PCCB: variants seen among roughly 807,000 people sequenced by gnomAD.
PCCB encodes propionyl-CoA carboxylase beta chain, mitochondrial.
Under a neutral mutation model 60.7 loss-of-function variants are expected in PCCB, and 43 were observed. That is an observed-to-expected ratio of 0.71 (90% CI 0.55 to 0.91). The LOEUF (loss-of-function observed/expected upper bound fraction) is 0.91. Ranked by LOEUF, PCCB falls within the 40% of genes least tolerant of loss-of-function variation. The pLI is 0.00. For synonymous variants in PCCB, 276 were observed against 255.9 expected (o/e 1.08, Z -0.75); for missense variants, 766 against 702.8 (o/e 1.09, Z -1.02).
chr3:136,250,384 G>A lies in PCCB; in HGVS notation c.9G>A (p.Ala3=), dbSNP rs763025114. The part of the protein sequence containing the change: MA[A]ALRVAAVGAR... Reference sequence around the variant, plus strand: ...GCGCCGGCACAGCAAAAATGGCGGCGGCATTACGGGTGGCGGCGGTCGGGG... The same window carrying A: ...GCGCCGGCACAGCAAAAATGGCGGCAGCATTACGGGTGGCGGCGGTCGGGG... Residue 3 remains alanine (A), a synonymous_variant, in exon 1 of 15, where the codon GCG becomes GCA. Transcript: ENST00000251654. 2 of 1,529,834 alleles carry A rather than the reference G, an allele frequency of 1.3e-6. No homozygotes were observed. Among genetic ancestry groups the A allele is most frequent in the African/African-American group, 1.4e-5 (1 of 72,748 alleles). 94.8% of individuals were successfully genotyped at this position (1,529,834 alleles called of 1,614,324 possible).
chr3:136,253,088 T>TTG (rs1941564167), intron 1 of PCCB, among the ~76,000 whole-genome samples: 1 of 92,806 alleles, frequency 1.1e-5, no homozygotes, highest in Non-Finnish European at 2.7e-5. Flanking sequence ...GGAGGTTTTT[T>TTG]TTTTTTTTTT....
At chr3:136,328,879 G>A in intron 14 of PCCB, 22 bp downstream of exon 14, 1 of 1,560,588 alleles carries the variant, frequency 6.4e-7, no homozygotes, top group Non-Finnish European at 8.8e-7. Flanking sequence ...TGGTGAAGAG[G>A]GCAGCTTTGT....
intron 5 of PCCB, among the ~76,000 whole-genome samples, chr3:136,273,992 C>T (rs1331613461): frequency 6.6e-6 from 1 of 151,530 alleles, no homozygotes; most frequent in African/African-American, 2.4e-5. Context: ...TCTCTTTCCC[C>T]CCCTTTACCT....
intron 1 of PCCB, 127 bp from the exon 2 acceptor site, chr3:136,255,729 A>G (rs1941654604): frequency 1.2e-6 from 1 of 822,534 alleles, no homozygotes. Context: ...CAGGTTGGAT[A>G]GAATGAAAGT....
intron 6 of PCCB, among the ~76,000 whole-genome samples, chr3:136,287,369 C>G (rs758816514): frequency 2.0e-5 from 3 of 150,844 alleles, no homozygotes; most frequent in Non-Finnish European, 4.4e-5. Flanking sequence ...AAATGTAGTT[C>G]ATTCACTTTA....
intron 6 of PCCB, among the ~76,000 whole-genome samples, chr3:136,292,329 T>C (rs1576333696): frequency 6.6e-6 from 1 of 152,102 alleles, no homozygotes; most frequent in South Asian, 2.1e-4. Context: ...AGCTAGACCT[T>C]TCTAGCAAGA....
At chr3:136,300,250 G>C (rs963873128) in intron 8 of PCCB, among the ~76,000 whole-genome samples, 1 of 152,144 alleles carries the variant, frequency 6.6e-6, no homozygotes, top group African/African-American at 2.4e-5. Flanking sequence ...TCTTTCCAGC[G>C]TAGAGCTTTT....
intron 7 of PCCB, 95 bp from the exon 8 acceptor site, chr3:136,297,857 C>G: frequency 1.4e-6 from 2 of 1,396,700 alleles, no homozygotes; most frequent in South Asian, 2.3e-5. Flanking sequence ...CGGTCTGCTA[C>G]TGACATGCCC....
At chr3:136,257,067 C>T (rs541244336) in intron 3 of PCCB, among the ~76,000 whole-genome samples, 1 of 152,114 alleles carries the variant, frequency 6.6e-6, no homozygotes, top group African/African-American at 2.4e-5. Context: ...CAGGGTGCAT[C>T]AAGACAGATA....
chr3:136,319,716 A>G (rs1376682741), intron 10 of PCCB, among the ~76,000 whole-genome samples: 1 of 152,168 alleles, frequency 6.6e-6, no homozygotes, highest in Non-Finnish European at 1.5e-5. Flanking sequence ...TTTAGTTTTG[A>G]TTAAATCTGA....
Position 136,327,646 on chromosome 3 carries a change from G to A in PCCB, c.1312G>A (p.Ala438Thr). ...GGATCTGTTTTAGGCCTATGGAGGTGCCTATGATGTCATGAGCTCTAAGCA... is the reference window on the plus strand; with the variant it reads ...GGATCTGTTTTAGGCCTATGGAGGTACCTATGATGTCATGAGCTCTAAGCA... Reference protein sequence around the residue: ...TVITRKAYGGAYDVMSSKHLC... With the variant: ...TVITRKAYGGTYDVMSSKHLC... The change falls in exon 13 of 15, where the codon GCC (alanine) becomes ACC (threonine). Residue 438 changes from alanine (A) to threonine (T), a missense_variant. By Grantham distance (58) the Ala-to-Thr change is moderately conservative (BLOSUM62 0). Transcript: ENST00000251654. The A allele has an allele frequency of 3.7e-6, 6 of 1,613,402 alleles. No individual in the cohort carries two copies. Among genetic ancestry groups the A allele is most frequent in the East Asian group, 2.2e-5 (1 of 44,870 alleles).
intron 1 of PCCB, among the ~76,000 whole-genome samples, chr3:136,251,512 T>C (rs1941515160): frequency 6.6e-6 from 1 of 152,172 alleles, no homozygotes; most frequent in Non-Finnish European, 1.5e-5. Flanking sequence ...TGTCTAATAT[T>C]GATTCAGATG....
chr3:136,294,720 C>T (rs113470503), intron 7 of PCCB, among the ~76,000 whole-genome samples: 1,817 of 152,260 alleles, frequency 0.012, 30 homozygotes, highest in East Asian at 0.047. Context: ...AGTAATTCTT[C>T]TGCCTCAGCC....
intron 9 of PCCB, among the ~76,000 whole-genome samples, chr3:136,308,703 C>T (rs533634987): frequency 4.9e-4 from 75 of 152,170 alleles, no homozygotes; most frequent in Non-Finnish European, 3.2e-4. Flanking sequence ...AGAAAGAAAA[C>T]ATCATTAAAT....
At chr3:136,316,855 T>C in intron 9 of PCCB, 86 bp from the exon 10 acceptor site, 1 of 1,488,442 alleles carries the variant, frequency 6.7e-7, no homozygotes, top group Non-Finnish European at 9.4e-7. Context: ...TCTGTAATTC[T>C]GTAATAGAAA....
chr3:136,294,136 T>A (rs1933829594), intron 7 of PCCB, among the ~76,000 whole-genome samples: 1 of 152,188 alleles, frequency 6.6e-6, no homozygotes, highest in East Asian at 1.9e-4. Flanking sequence ...GGAATGGTGA[T>A]TATAAGTAGG....
intron 9 of PCCB, among the ~76,000 whole-genome samples, chr3:136,307,631 TAAAA>T (rs71157372): frequency 2.2e-4 from 32 of 147,326 alleles, no homozygotes; most frequent in South Asian, 6.4e-4. Flanking sequence ...AGGGGAAAAA[TAAAA>T]AAAAAGGTAA....
chr3:136,316,363 T>C (rs112908024), intron 9 of PCCB, among the ~76,000 whole-genome samples: 1,724 of 152,282 alleles, frequency 0.011, 29 homozygotes, highest in East Asian at 0.047. Context: ...TTGCCCAGGC[T>C]AGAGTGCAGT....
At chr3:136,312,549 G>A (rs1045094083) in intron 9 of PCCB, among the ~76,000 whole-genome samples, 4 of 152,174 alleles carry the variant, frequency 2.6e-5, no homozygotes, top group Admixed American at 2.6e-4. Flanking sequence ...CAACTGACTA[G>A]CCATTTAGGA....
Sources: gnomAD v4.1 joint callset for allele counts (sites outside exome capture counted in the v4.1 genomes callset) on GRCh38, gnomAD v4.1.1 for gene constraint, MANE v1.5 for transcripts, NCBI Gene and HGNC (gene_info 2026-07-23, HGNC 2026-07-21) for gene names.